SPATA21: variants seen among roughly 807,000 people sequenced by gnomAD.
The protein encoded by SPATA21 is spermatogenesis-associated protein 21.
Under a neutral mutation model 54.8 loss-of-function variants are expected in SPATA21, and 47 were observed. The observed-to-expected ratio is 0.86, with a 90% CI of 0.68 to 1.09. The LOEUF (loss-of-function observed/expected upper bound fraction) is 1.09, where lower values mean the gene tolerates loss of function less well. Ranked by LOEUF, SPATA21 falls within the 50% of genes least tolerant of loss-of-function variation. The pLI is 0.00. For missense variants in SPATA21, 599 were observed against 596.4 expected (o/e 1.00, Z -0.05); for synonymous variants, 245 against 235.3 (o/e 1.04, Z -0.38).
intron 10 of SPATA21, among the ~76,000 whole-genome samples, chr1:16,402,463 A>G (rs533746380): frequency 1.3e-3 from 190 of 151,158 alleles, no homozygotes; most frequent in African/African-American, 3.1e-3. Context: ...AGGTTTCACC[A>G]TGTTAGCCAG....
intron 5 of SPATA21, among the ~76,000 whole-genome samples, chr1:16,415,752 G>T (rs1489549399): frequency 2.0e-5 from 3 of 152,054 alleles, no homozygotes; most frequent in Admixed American, 1.3e-4. Flanking sequence ...TAGAGACGGG[G>T]TTTCACCATG....
chr1:16,403,194 T>C (rs966443083), intron 10 of SPATA21, among the ~76,000 whole-genome samples: 1 of 152,150 alleles, frequency 6.6e-6, no homozygotes, highest in Non-Finnish European at 1.5e-5. Flanking sequence ...CTGACCCAGA[T>C]AGGGTCCATC....
At chr1:16,432,401 T>C (rs1284375214) in intron 2 of SPATA21, among the ~76,000 whole-genome samples, 1 of 151,988 alleles carries the variant, frequency 6.6e-6, no homozygotes, top group Non-Finnish European at 1.5e-5. Context: ...GGATTACAGG[T>C]GTGAGCCACT....
Position 16,409,301 on chromosome 1 carries a change from G to C in SPATA21, c.588-98C>G. On this transcript the variant is annotated intron_variant, in intron 6 of 12. Coordinates refer to ENST00000335496, the MANE Select transcript of SPATA21 (RefSeq NM_198546.1). The surrounding 1 kb of genome is among the most constrained non-coding windows in gnomAD (Gnocchi z 4.1). ...GGGGAGCCTGCAGGAGGAGGTCGTG[G>C]GGGAGGCTTTGGGGAGCCCGGAGAG... 7.3e-7 allele frequency: 1 copy of C among 1,368,200 alleles called. No homozygotes were observed. Among genetic ancestry groups the C allele is most frequent in the Non-Finnish European group, 1.0e-6 (1 of 976,764 alleles). 84.8% of individuals were successfully genotyped at this position (1,368,200 alleles called of 1,614,324 possible).
At chr1:16,400,595 G>A (rs1227916499) in intron 11 of SPATA21, 125 bp downstream of exon 11, 20 of 1,494,710 alleles carry the variant, frequency 1.3e-5, no homozygotes, top group African/African-American at 2.8e-5. Context: ...AGTTAAGCCC[G>A]AAGTGGGAAA....
Position 16,398,749 on chromosome 1 carries a change from T to G in SPATA21, c.*16A>C, listed in dbSNP as rs565816236. On this transcript the variant is annotated 3_prime_UTR_variant, in exon 13 of 13. Transcript: ENST00000335496. ...ACAGGCCTTGAGCAGCTGCCTAGAGTCAGGCCTCCAGAGGGTCAGTGGGTT... is the reference window on the plus strand; with the variant it reads ...ACAGGCCTTGAGCAGCTGCCTAGAGGCAGGCCTCCAGAGGGTCAGTGGGTT... 4.3e-6 allele frequency: 7 copies of G among 1,613,626 alleles called. No homozygotes were observed. The African/African-American group carries it at 6.7e-5, about 15-fold the overall frequency.
At chr1:16,436,223 C>G (rs1390318730) in intron 1 of SPATA21, among the ~76,000 whole-genome samples, 5 of 151,872 alleles carry the variant, frequency 3.3e-5, no homozygotes, top group Admixed American at 2.0e-4. Flanking sequence ...CCCGTCTCTA[C>G]TAAAAGTACA....
chr1:16,404,131 G>T, intron 8 of SPATA21, 92 bp from the exon 9 acceptor site: 1 of 1,087,528 alleles, frequency 9.2e-7, no homozygotes, highest in Non-Finnish European at 1.4e-6. Flanking sequence ...TCACTGTCTG[G>T]GTCTGATTAT....
At chr1:16,426,579 ATTT>A (rs869271995) in intron 3 of SPATA21, among the ~76,000 whole-genome samples, 14 of 107,146 alleles carry the variant, frequency 1.3e-4, no homozygotes, top group African/African-American at 4.2e-4. Flanking sequence ...ATATATATAT[ATTT>A]TTTTTTTTTT....
intron 12 of SPATA21, among the ~76,000 whole-genome samples, 191 bp from the exon 13 acceptor site, chr1:16,399,013 G>A (rs2085362184): frequency 6.6e-6 from 1 of 152,192 alleles, no homozygotes; most frequent in African/African-American, 2.4e-5. Context: ...CCTGGAGGGG[G>A]ACTGCTGCAG....
intron 5 of SPATA21, among the ~76,000 whole-genome samples, chr1:16,418,571 CTTT>C (rs538274194): frequency 6.8e-6 from 1 of 146,592 alleles, no homozygotes; most frequent in South Asian, 2.2e-4. Flanking sequence ...CATACCCTCT[CTTT>C]TTTTTTTTTC....
chr1:16,397,857 G>C (rs2085338963), downstream of SPATA21: 5 of 323,522 alleles, frequency 1.5e-5, no homozygotes, highest in African/African-American at 2.2e-5. This position sits in a 1 kb window ranked among gnomAD's most constrained non-coding sequence, Gnocchi z 5.4. Context: ...ATCTGGGGGT[G>C]CCCTGCTCAG....
intron 10 of SPATA21, among the ~76,000 whole-genome samples, chr1:16,403,155 C>A (rs1301969879): frequency 1.3e-5 from 2 of 152,168 alleles, no homozygotes; most frequent in African/African-American, 4.8e-5. Flanking sequence ...CCCACCTGCC[C>A]TGGAGACACG....
At chr1:16,431,993 A>G (rs1461651301) in intron 2 of SPATA21, among the ~76,000 whole-genome samples, 1 of 152,140 alleles carries the variant, frequency 6.6e-6, no homozygotes. Context: ...AACTAGGGAC[A>G]TCTGTCCATC....
chr1:16,409,501 G>A lies in SPATA21; in HGVS notation c.587+100C>T, dbSNP rs564956318. 6.4e-6 allele frequency: 8 copies of A among 1,258,710 alleles called. No individual in the cohort carries two copies. The highest frequency in any genetic ancestry group is 2.9e-5 in the South Asian group (2 of 69,616). 78.0% of individuals were successfully genotyped at this position (1,258,710 alleles called of 1,614,324 possible). On this transcript the variant is annotated intron_variant, in intron 6 of 12. Coordinates refer to ENST00000335496, the MANE Select transcript of SPATA21 (RefSeq NM_198546.1). This position sits in a 1 kb window ranked among gnomAD's most constrained non-coding sequence, Gnocchi z 4.1. ...GAGAAATGGAGAGAGGGGGACACAC[G>A]AGGGAACAGGCAGGTGCAGGGACAG...
At chr1:16,416,083 T>C (rs2085997573) in intron 5 of SPATA21, among the ~76,000 whole-genome samples, 1 of 152,286 alleles carries the variant, frequency 6.6e-6, no homozygotes, top group African/African-American at 2.4e-5. Flanking sequence ...CTGTCACTGC[T>C]CTGCTACCCC....
chr1:16,437,027 G>A (rs1457051808), intron 1 of SPATA21, 101 bp downstream of exon 1: 1 of 152,146 alleles, frequency 6.6e-6, no homozygotes, highest in Non-Finnish European at 1.5e-5. Context: ...ATGATGGCAG[G>A]AAAATACAGC....
chr1:16,409,068 G>A lies in SPATA21; in HGVS notation c.673+50C>T. The A allele has an allele frequency of 6.2e-7, 1 of 1,600,616 alleles. No homozygotes were observed. ...CGCCCTGCGCCTATAAACCCCCAAG[G>A]ACCAAGGGTCCTGCCTGTGCTGGGA... On this transcript the variant is annotated intron_variant, in intron 7 of 12. Coordinates refer to ENST00000335496, the MANE Select transcript of SPATA21 (RefSeq NM_198546.1). This position sits in a 1 kb window ranked among gnomAD's most constrained non-coding sequence, Gnocchi z 4.1.
At chr1:16,402,926 C>T (rs1241072752) in intron 10 of SPATA21, among the ~76,000 whole-genome samples, 1 of 152,154 alleles carries the variant, frequency 6.6e-6, no homozygotes, top group Admixed American at 6.5e-5. Context: ...ACCCGGCCAC[C>T]TCTCCTGAAA....
Sources: gnomAD v4.1 joint callset for allele counts (sites outside exome capture counted in the v4.1 genomes callset) on GRCh38, gnomAD v4.1.1 for gene constraint, Gnocchi (gnomAD v3.1) non-coding constraint, MANE v1.5 for transcripts, NCBI Gene and HGNC (gene_info 2026-07-23, HGNC 2026-07-21) for gene names.